Variants in PEAK1 observed in about 807,000 individuals in gnomAD.
PEAK1 encodes pseudopodium enriched atypical kinase 1.
In PEAK1, 54 loss-of-function variants were observed where a neutral mutation model predicts 124.7. That is an observed-to-expected ratio of 0.43 (90% CI 0.35 to 0.54). The LOEUF is 0.54. Ranked by LOEUF, PEAK1 falls within the 20% of genes least tolerant of loss-of-function variation. PEAK1 has a pLI of 0.01. For missense variants in PEAK1, 2,046 were observed against 2,134.5 expected (o/e 0.96, Z 0.82); for synonymous variants, 719 against 760.0 (o/e 0.95, Z 0.89).
At position 77,360,521 on chromosome 15, in the gene PEAK1, T is replaced by C. The variant is rs533294748; in HGVS notation, c.-603+4642A>G. ...CATATAAGTTGATCCTTGGACAACA[T>C]AGGTTTGAACTGTGTAGGTCCACTT... On this transcript the variant is annotated intron_variant, in intron 2 of 9. Transcript: ENST00000682557. Among the ~76,000 whole-genome samples the C allele has an allele frequency of 7.2e-5, 11 of 152,272 alleles. No individual in the cohort carries two copies. In the East Asian group the frequency reaches 7.7e-4, roughly 11 times the overall value.
At chr15:77,367,528 G>A (rs1356339265) in intron 1 of PEAK1, among the ~76,000 whole-genome samples, 1 of 152,142 alleles carries the variant, frequency 6.6e-6, no homozygotes, top group Non-Finnish European at 1.5e-5. Context: ...TACTAAAGTG[G>A]ATTTTAAAAG....
At chr15:77,215,910 ATATTT>A (rs2059128939) in intron 6 of PEAK1, among the ~76,000 whole-genome samples, 1 of 19,878 alleles carries the variant, frequency 5.0e-5, no homozygotes, top group Non-Finnish European at 2.4e-4. Context: ...GATATATTTT[ATATTT>A]ATATTTATAT....
intron 5 of PEAK1, among the ~76,000 whole-genome samples, chr15:77,256,981 G>T (rs2061181596): frequency 6.6e-6 from 1 of 151,424 alleles, no homozygotes; most frequent in Non-Finnish European, 1.5e-5. Context: ...GCGGTGTTTG[G>T]TTTTTTGTCC....
chr15:77,397,300 T>C (rs1397448726), intron 1 of PEAK1, among the ~76,000 whole-genome samples: 2 of 152,006 alleles, frequency 1.3e-5, no homozygotes, highest in African/African-American at 4.8e-5. Flanking sequence ...CTATAGGATA[T>C]AGTGAAAGCA....
intron 2 of PEAK1, among the ~76,000 whole-genome samples, chr15:77,290,161 T>A (rs561745594): frequency 1.3e-5 from 2 of 152,284 alleles, no homozygotes; most frequent in African/African-American, 4.8e-5. Context: ...AGTCTCACTC[T>A]GTTGCCCAGG....
chr15:77,348,184 G>T, intron 2 of PEAK1: 153 of 852,376 alleles, frequency 1.8e-4, no homozygotes, highest in Non-Finnish European at 2.0e-4. Context: ...CACATGCTAA[G>T]AAAAAAAAAA....
At chr15:77,368,910 G>C (rs1468960077) in intron 1 of PEAK1, among the ~76,000 whole-genome samples, 2 of 152,116 alleles carry the variant, frequency 1.3e-5, no homozygotes, top group Admixed American at 6.5e-5. Flanking sequence ...AACATATATA[G>C]AAGAATCTAA....
chr15:77,234,805 A>T (rs1477384262), intron 6 of PEAK1, among the ~76,000 whole-genome samples: 9 of 150,460 alleles, frequency 6.0e-5, no homozygotes, highest in African/African-American at 2.2e-4. Context: ...CCAGCTAATT[A>T]AAAAAAAATA....
Position 77,356,310 on chromosome 15 carries a change from A to T in PEAK1, c.-603+8853T>A, listed in dbSNP as rs571541360. On this transcript the variant is annotated intron_variant, in intron 2 of 9. Coordinates refer to ENST00000682557, the MANE Select transcript of PEAK1 (RefSeq NM_001385026.1). ...AAAGTTTTTCTTAAAAGATCACAAT[A>T]GATACTACTTTAGATCATTCAACTG... is the stretch of plus-strand genomic sequence containing the variant. Among the ~76,000 whole-genome samples, 3 of 152,302 alleles carry T rather than the reference A, an allele frequency of 2.0e-5. No homozygotes were observed. In the East Asian group the frequency reaches 5.8e-4, roughly 29 times the overall value.
chr15:77,208,998 A>C (rs796573206), intron 6 of PEAK1, among the ~76,000 whole-genome samples: 38 of 152,290 alleles, frequency 2.5e-4, no homozygotes, highest in African/African-American at 8.7e-4. Context: ...GTCTGTTCTT[A>C]ACTATTTTTG....
chr15:77,228,254 T>C lies in PEAK1; in HGVS notation c.-115+24113A>G, dbSNP rs551426859. ...TAGTTACTTCTAATCTTTTACCAGT[T>C]GCATTATAATACCACGATTCTCATG... On this transcript the variant is annotated intron_variant, in intron 6 of 9. Transcript: ENST00000682557. Among the ~76,000 whole-genome samples the C allele has an allele frequency of 2.0e-5, 3 of 152,274 alleles. No homozygotes were observed. In the East Asian group the frequency reaches 5.8e-4, roughly 29 times the overall value.
intron 5 of PEAK1, among the ~76,000 whole-genome samples, chr15:77,259,080 G>A (rs931846265): frequency 2.0e-5 from 3 of 152,102 alleles, no homozygotes; most frequent in African/African-American, 7.2e-5. Context: ...TACCGTAAAG[G>A]TAGAGTTAAG....
At chr15:77,193,605 A>T (rs1362075047) in intron 6 of PEAK1, among the ~76,000 whole-genome samples, 1 of 152,178 alleles carries the variant, frequency 6.6e-6, no homozygotes, top group Non-Finnish European at 1.5e-5. Context: ...GGAGTTCGAG[A>T]CCAGCCTGGC....
At chr15:77,417,745 C>A (rs2073005734) in intron 1 of PEAK1, 25 of 985,424 alleles carry the variant, frequency 2.5e-5, no homozygotes, top group Non-Finnish European at 3.0e-5. Flanking sequence ...AAAAGAACAA[C>A]AAATCTCTCT....
At chr15:77,118,311 C>T (rs1294596629) in intron 9 of PEAK1, among the ~76,000 whole-genome samples, 1 of 152,002 alleles carries the variant, frequency 6.6e-6, no homozygotes, top group African/African-American at 2.4e-5. Context: ...TGATGGGTAT[C>T]TCATAAATCT....
chr15:77,362,132 A>T (rs2067929737), intron 2 of PEAK1, among the ~76,000 whole-genome samples: 1 of 152,208 alleles, frequency 6.6e-6, no homozygotes, highest in African/African-American at 2.4e-5. Context: ...AGTTAACAGT[A>T]ATATGTAGTT....
intron 7 of PEAK1, among the ~76,000 whole-genome samples, chr15:77,164,122 A>G (rs1193833149): frequency 1.3e-5 from 2 of 152,204 alleles, no homozygotes; most frequent in African/African-American, 4.8e-5. Context: ...AGGACCTCCT[A>G]CGAATGTGAC....
At chr15:77,381,157 T>C (rs147705906) in intron 1 of PEAK1, 46 of 920,428 alleles carry the variant, frequency 5.0e-5, no homozygotes, top group Middle Eastern at 5.5e-4. Context: ...CTAAAAATCA[T>C]GTTTTAAGAT....
intron 2 of PEAK1, among the ~76,000 whole-genome samples, chr15:77,324,663 T>C (rs917394100): frequency 6.6e-6 from 1 of 152,100 alleles, no homozygotes; most frequent in African/African-American, 2.4e-5. Flanking sequence ...CTTACAATCA[T>C]GGCAGAAGGC....
Sources: gnomAD v4.1 joint callset for allele counts (sites outside exome capture counted in the v4.1 genomes callset) on GRCh38, gnomAD v4.1.1 for gene constraint, MANE v1.5 for transcripts, NCBI Gene and HGNC (gene_info 2026-07-23, HGNC 2026-07-21) for gene names.